Variants in SLC44A3 observed in about 807,000 individuals in gnomAD.
SLC44A3 encodes the protein solute carrier family 44 member 3.
Under a neutral mutation model 75.4 loss-of-function variants are expected in SLC44A3, and 74 were observed. That is an observed-to-expected ratio of 0.98 (90% CI 0.81 to 1.19). The LOEUF is 1.19. Among genes scored for constraint, SLC44A3 ranks in the 50% most tolerant of loss-of-function variants. The pLI, the probability that SLC44A3 is intolerant of heterozygous loss-of-function variation, is 0.00. For missense variants in SLC44A3, 700 were observed against 778.6 expected, an observed-to-expected ratio of 0.90 and a Z score of 1.20; for synonymous variants, 310 against 296.9, an observed-to-expected ratio of 1.04 and a Z score of -0.45.
At chr1:94,829,723 T>A (rs1661871332) in intron 5 of SLC44A3, among the ~76,000 whole-genome samples, 1 of 152,226 alleles carries the variant, frequency 6.6e-6, no homozygotes, top group Non-Finnish European at 1.5e-5. Flanking sequence ...TGAGTATGTT[T>A]ACAATGTAGG....
intron 8 of SLC44A3, among the ~76,000 whole-genome samples, chr1:94,842,460 CG>C (rs1663786764): frequency 6.6e-6 from 1 of 152,202 alleles, no homozygotes; most frequent in East Asian, 1.9e-4. Flanking sequence ...TTGTGAGGTG[CG>C]GCTCCCCTTT....
intron 14 of SLC44A3, among the ~76,000 whole-genome samples, chr1:94,893,493 G>A (rs1350304333): frequency 1.3e-5 from 2 of 151,938 alleles, no homozygotes; most frequent in Non-Finnish European, 2.9e-5. Flanking sequence ...CGATTCTCCT[G>A]CCTCAGCCTC....
In SLC44A3 at chr1:94,820,998, A is replaced by T. The variant is rs747591417; in HGVS notation, c.77A>T (p.Tyr26Phe). ...CAAAGGGAGTGGCGACCCCAGATTTATAGGAAATGCACAGATACGGCATGG... is the reference window on the plus strand; with the variant it reads ...CAAAGGGAGTGGCGACCCCAGATTTTTAGGAAATGCACAGATACGGCATGG... ...PRQREWRPQI[Y>F]RKCTDTAWLF... The change falls in exon 2 of 15, where the codon TAT becomes TTT. Residue 26 changes from tyrosine to phenylalanine, a missense_variant. Tyr to Phe is a conservative substitution (Grantham distance 22). Coordinates refer to ENST00000271227, the MANE Select transcript of SLC44A3 (RefSeq NM_001114106.3). 5.2e-6 allele frequency: 8 copies of T among 1,551,534 alleles called. No homozygotes were observed. The highest frequency in any genetic ancestry group is 7.0e-6 in the Non-Finnish European group (8 of 1,146,938).
intron 7 of SLC44A3, 42 bp from the exon 8 acceptor site, chr1:94,841,958 C>T: frequency 5.1e-6 from 8 of 1,570,550 alleles, no homozygotes; most frequent in African/African-American, 1.4e-5. Flanking sequence ...AAGGTTACCT[C>T]ATGGCGTGTG....
intron 12 of SLC44A3, among the ~76,000 whole-genome samples, chr1:94,877,427 T>A (rs1668413861): frequency 1.3e-5 from 2 of 151,944 alleles, no homozygotes; most frequent in South Asian, 4.2e-4. Flanking sequence ...ACTGGGGGAA[T>A]GAGCACAGAG....
chr1:94,865,864 A>G (rs1445091609), intron 11 of SLC44A3, among the ~76,000 whole-genome samples: 2 of 152,206 alleles, frequency 1.3e-5, no homozygotes, highest in African/African-American at 4.8e-5. Context: ...AGATATCTGA[A>G]TTGTTGATAT....
At chr1:94,857,607 G>T in intron 10 of SLC44A3, 107 bp downstream of exon 10, 1 of 1,201,874 alleles carries the variant, frequency 8.3e-7, no homozygotes, top group Non-Finnish European at 1.1e-6. Flanking sequence ...CCCCTTAAAA[G>T]AAGTTGGCAA....
chr1:94,829,184 G>A lies in SLC44A3; in HGVS notation c.509+598G>A, dbSNP rs367563447. Among the ~76,000 whole-genome samples the A allele has an allele frequency of 1.2e-3, 183 of 152,184 alleles. 1 individual carries two copies. The highest frequency in any genetic ancestry group is 0.011 in the South Asian group (55 of 4,824). ...TGTAGTCCCAGCTACTTGGGAGGCC[G>A]AGGCAGAAGAATCACTTGAACCCAG... is the stretch of plus-strand genomic sequence containing the variant. On this transcript the variant is annotated intron_variant, in intron 5 of 14. Transcript: ENST00000271227.
At chr1:94,851,709 C>T (rs922283002) in intron 9 of SLC44A3, among the ~76,000 whole-genome samples, 24 of 152,164 alleles carry the variant, frequency 1.6e-4, no homozygotes, top group African/African-American at 5.8e-4. Context: ...CTGCCAGAGC[C>T]GAAGCTGAAG....
intron 12 of SLC44A3, among the ~76,000 whole-genome samples, chr1:94,877,732 G>A (rs1278518426): frequency 1.3e-5 from 2 of 152,328 alleles, no homozygotes; most frequent in Non-Finnish European, 2.9e-5. Context: ...AATGTTTCAA[G>A]TGGTTTCCTC....
chr1:94,857,805 T>C (rs1013442303), intron 10 of SLC44A3, among the ~76,000 whole-genome samples: 1 of 137,974 alleles, frequency 7.2e-6, no homozygotes, highest in Non-Finnish European at 1.5e-5. Context: ...GCCTATGGAG[T>C]AGCCTTTTTT....
intron 12 of SLC44A3, among the ~76,000 whole-genome samples, chr1:94,868,785 A>G (rs933925753): frequency 6.6e-6 from 1 of 152,294 alleles, no homozygotes; most frequent in Non-Finnish European, 1.5e-5. Context: ...TGTTGGCCAT[A>G]TGGCCCTACA....
At chr1:94,887,525 T>C (rs1669716364) in intron 12 of SLC44A3, among the ~76,000 whole-genome samples, 1 of 152,230 alleles carries the variant, frequency 6.6e-6, no homozygotes, top group Non-Finnish European at 1.5e-5. Context: ...CAAAACTCTT[T>C]GGAGTCAACA....
At chr1:94,855,264 C>T (rs1292223761) in intron 9 of SLC44A3, 1 of 152,222 alleles carries the variant, frequency 6.6e-6, no homozygotes, top group Non-Finnish European at 1.5e-5. Context: ...CTGAAGAAAT[C>T]ATCCTTCCTG....
chr1:94,889,033 T>TC (rs1339234114), intron 12 of SLC44A3, among the ~76,000 whole-genome samples: 4 of 152,186 alleles, frequency 2.6e-5, no homozygotes, highest in Non-Finnish European at 4.4e-5. Flanking sequence ...AGTGCAGGGA[T>TC]TACAGGCATG....
At chr1:94,884,020 T>C (rs1004604000) in intron 12 of SLC44A3, among the ~76,000 whole-genome samples, 3 of 79,042 alleles carry the variant, frequency 3.8e-5, no homozygotes, top group African/African-American at 1.3e-4. Flanking sequence ...TGCTTCTTTG[T>C]CTCTGTGTTG....
intron 12 of SLC44A3, chr1:94,888,619 C>T: frequency 4.1e-6 from 4 of 980,670 alleles, no homozygotes; most frequent in Non-Finnish European, 4.8e-6. Context: ...AGTCCAAAAC[C>T]AAAATTTCCT....
chr1:94,871,224 CT>C (rs1459333569), intron 12 of SLC44A3, among the ~76,000 whole-genome samples: 1 of 152,176 alleles, frequency 6.6e-6, no homozygotes, highest in Non-Finnish European at 1.5e-5. Context: ...ACACAGCAGA[CT>C]TTTGTGGAGG....
chr1:94,848,667 G>A (rs1293361679), intron 9 of SLC44A3, among the ~76,000 whole-genome samples: 2 of 152,122 alleles, frequency 1.3e-5, no homozygotes, highest in African/African-American at 4.8e-5. Context: ...ATGAGGCGCT[G>A]AGCACGGCAC....
Sources: gnomAD v4.1 joint callset for allele counts (sites outside exome capture counted in the v4.1 genomes callset) on GRCh38, gnomAD v4.1.1 for gene constraint, MANE v1.5 for transcripts, NCBI Gene and HGNC (gene_info 2026-07-23, HGNC 2026-07-21) for gene names.